Variants in OPHN1 observed in about 807,000 individuals in gnomAD.
OPHN1 encodes oligophrenin-1.
In OPHN1, 11 loss-of-function variants were observed where a neutral mutation model predicts 60.7. The ratio of observed to expected loss-of-function variants is 0.18; its 90% CI spans 0.11 to 0.30. The LOEUF is 0.30. Ranked by LOEUF, OPHN1 falls within the 10% of genes least tolerant of loss-of-function variation. The pLI, the probability that OPHN1 is intolerant of heterozygous loss-of-function variation, is 1.00. For missense variants in OPHN1, 449 were observed against 611.0 expected (o/e 0.73, Z 2.80); for synonymous variants, 226 against 222.6 (o/e 1.02, Z -0.14).
At chrX:68,216,896 T>C (rs900532489) in intron 6 of OPHN1, among the ~76,000 whole-genome samples, 1 of 111,680 alleles carries the variant, frequency 9.0e-6, no homozygotes, top group Non-Finnish European at 1.9e-5. Context: ...ACATCACTAA[T>C]CATCAAGAAA....
chrX:68,046,373 A>G lies in OPHN1; in HGVS notation c.*799T>C, dbSNP rs1251450140. The G allele has an allele frequency of 8.9e-6, 1 of 112,576 alleles. No homozygotes were observed. The highest frequency in any genetic ancestry group is 1.9e-5 in the Non-Finnish European group (1 of 53,304). The allele number at this position is 112,576 out of a possible 1,213,427, so 9.3% of individuals were successfully genotyped here. On this transcript the variant is annotated 3_prime_UTR_variant, in exon 25 of 25. Coordinates refer to ENST00000355520, the MANE Select transcript of OPHN1 (RefSeq NM_002547.3). ...ACACAGTCTCCTTTTTTTAAAAAGA[A>G]ATGTGTTCAGCTTTTGTTTGTTTCT... is the stretch of plus-strand genomic sequence containing the variant.
chrX:68,113,663 A>T (rs2077114322), intron 16 of OPHN1, among the ~76,000 whole-genome samples: 2 of 110,452 alleles, frequency 1.8e-5, no homozygotes, highest in African/African-American at 6.6e-5. Context: ...CTCAGGCTCA[A>T]ATGGGTTTAC....
At chrX:68,217,933 G>C (rs1178167101) in intron 6 of OPHN1, among the ~76,000 whole-genome samples, 1 of 104,299 alleles carries the variant, frequency 9.6e-6, no homozygotes, top group Non-Finnish European at 2.0e-5. Context: ...GATGGAGAAT[G>C]ACTTTGACGA....
chrX:68,133,804 GTTA>G (rs975398110), intron 15 of OPHN1, among the ~76,000 whole-genome samples: 2 of 111,854 alleles, frequency 1.8e-5, no homozygotes, highest in African/African-American at 6.5e-5. Flanking sequence ...TATATTTCAA[GTTA>G]TTATTTGTAT....
Position 68,367,196 on chromosome X carries a change from C to T in OPHN1, c.154+65671G>A, listed in dbSNP as rs1336467685. ...TGAAACCATGTCTCTACTAAAAATA[C>T]AAAAAAAATTAGCAGGGTGTGCTGG... On this transcript the variant is annotated intron_variant, in intron 2 of 24. Transcript: ENST00000355520. Among the ~76,000 whole-genome samples, 3 of 108,572 alleles carry T rather than the reference C, an allele frequency of 2.8e-5. No individual in the cohort carries two copies. The Admixed American group carries it at 3.0e-4, about 11-fold the overall frequency. 94.3% of individuals were successfully genotyped at this position (108,572 alleles called of 115,157 possible). A position where few individuals can be genotyped will look rare whatever the true frequency, so the allele number is the denominator to read the frequency against.
intron 2 of OPHN1, among the ~76,000 whole-genome samples, chrX:68,300,586 A>ACC (rs2147629436): frequency 8.9e-6 from 1 of 112,465 alleles, no homozygotes; most frequent in South Asian, 3.7e-4. Context: ...GTGCATGCAC[A>ACC]CCCTTCAAAT....
chrX:68,433,066 C>G, intron 1 of OPHN1, 42 bp from the exon 2 acceptor site: 2 of 1,139,793 alleles, frequency 1.8e-6, no homozygotes, highest in Non-Finnish European at 2.4e-6. Flanking sequence ...GACACAAAGA[C>G]CGAGAGCATC....
intron 15 of OPHN1, among the ~76,000 whole-genome samples, chrX:68,165,636 A>T (rs947283620): frequency 8.9e-6 from 1 of 112,407 alleles, no homozygotes; most frequent in Admixed American, 9.5e-5. Context: ...GATTTACAAA[A>T]ATGTGACATA....
intron 15 of OPHN1, among the ~76,000 whole-genome samples, chrX:68,170,876 T>C (rs2077387719): frequency 9.2e-6 from 1 of 108,141 alleles, no homozygotes; most frequent in African/African-American, 3.4e-5. Flanking sequence ...GGCACATGTA[T>C]ACATATGTAA....
At chrX:68,238,448 A>G (rs2077763602) in intron 5 of OPHN1, among the ~76,000 whole-genome samples, 1 of 109,506 alleles carries the variant, frequency 9.1e-6, no homozygotes, top group South Asian at 3.9e-4. Context: ...TGTGCATATT[A>G]AGCTAAAAAC....
chrX:68,184,492 G>A (rs1388551598), intron 15 of OPHN1, among the ~76,000 whole-genome samples: 21 of 106,750 alleles, frequency 2.0e-4, no homozygotes, highest in African/African-American at 6.8e-4. Context: ...ACTGCACTCC[G>A]GCCTGGGTGA....
At chrX:68,157,935 A>ATTTT (rs2077316967) in intron 15 of OPHN1, among the ~76,000 whole-genome samples, 1 of 111,756 alleles carries the variant, frequency 8.9e-6, no homozygotes, top group Non-Finnish European at 1.9e-5. Flanking sequence ...AAGAGGTGCT[A>ATTTT]TTTTCTTTTC....
chrX:68,191,558 A>G (rs1356824767), intron 15 of OPHN1, among the ~76,000 whole-genome samples: 1 of 112,129 alleles, frequency 8.9e-6, no homozygotes, highest in African/African-American at 3.2e-5. Context: ...AAAACTGGAC[A>G]GTATATAGGA....
chrX:68,408,685 G>C (rs2078755378), intron 2 of OPHN1, among the ~76,000 whole-genome samples: 1 of 113,136 alleles, frequency 8.8e-6, no homozygotes, highest in African/African-American at 3.2e-5. Context: ...AACTGGGCCA[G>C]ACACAGTGGC....
chrX:68,331,120 TTA>T (rs1209688233), intron 2 of OPHN1, among the ~76,000 whole-genome samples: 4 of 105,546 alleles, frequency 3.8e-5, no homozygotes, highest in Non-Finnish European at 5.8e-5. Context: ...ATTTATATAG[TTA>T]TGTTTATATA....
At chrX:68,361,665 T>TGATA (rs925729850) in intron 2 of OPHN1, among the ~76,000 whole-genome samples, 2 of 111,090 alleles carry the variant, frequency 1.8e-5, no homozygotes, top group African/African-American at 6.5e-5. Flanking sequence ...CTTTACCTAT[T>TGATA]GATAGATACT....
At chrX:68,315,146 G>A (rs1048729249) in intron 2 of OPHN1, among the ~76,000 whole-genome samples, 2 of 109,490 alleles carry the variant, frequency 1.8e-5, no homozygotes, top group African/African-American at 3.3e-5. Context: ...CAAGGAGTTC[G>A]AGCCTGCAGG....
intron 2 of OPHN1, among the ~76,000 whole-genome samples, chrX:68,378,395 G>A (rs906698961): frequency 9.0e-6 from 1 of 111,661 alleles, no homozygotes; most frequent in African/African-American, 3.3e-5. Context: ...TGTTCAATCT[G>A]ATGGTAGTTT....
At chrX:68,302,277 G>A (rs183064217) in intron 2 of OPHN1, among the ~76,000 whole-genome samples, 18 of 111,931 alleles carry the variant, frequency 1.6e-4, no homozygotes, top group African/African-American at 5.5e-4. Flanking sequence ...TACATAACCC[G>A]AGTGCCACAT....
Sources: allele counts gnomAD v4.1 joint callset (sites outside exome capture counted in the v4.1 genomes callset), GRCh38; gene constraint gnomAD v4.1.1; transcripts MANE v1.5; gene names NCBI Gene and HGNC (gene_info 2026-07-23, HGNC 2026-07-21).